Variants in KIAA0825 observed in about 807,000 individuals in gnomAD.
KIAA0825 encodes the protein uncharacterized protein KIAA0825.
KIAA0825 carries 119 observed loss-of-function variants against 147.6 expected under a neutral mutation model. The ratio of observed to expected loss-of-function variants is 0.81; its 90% CI spans 0.69 to 0.94. The LOEUF (loss-of-function observed/expected upper bound fraction) is 0.94. Among genes scored for constraint, KIAA0825 ranks in the 40% least tolerant of loss-of-function variants. KIAA0825 has a pLI of 0.00. For synonymous variants in KIAA0825, 470 were observed against 518.1 expected (o/e 0.91, Z 1.26); for missense variants, 1,381 against 1,472.7 (o/e 0.94, Z 1.02).
chr5:94,548,747 AC>A (rs1348429517), intron 2 of KIAA0825, among the ~76,000 whole-genome samples: 1 of 152,186 alleles, frequency 6.6e-6, no homozygotes, highest in African/African-American at 2.4e-5. Flanking sequence ...ATGGAAACAA[AC>A]AAACAAACAA....
chr5:94,199,070 A>G (rs775440571), intron 20 of KIAA0825, among the ~76,000 whole-genome samples: 1 of 152,136 alleles, frequency 6.6e-6, no homozygotes, highest in African/African-American at 2.4e-5. Flanking sequence ...CTGGTTAAGA[A>G]CCATTGGTGG....
Position 94,573,870 on chromosome 5 carries a change from TAG to T in KIAA0825, c.-2+8561_-2+8562del, listed in dbSNP as rs1780452315. The stretch of plus-strand genomic sequence containing the variant: ...AGTCAGATTGGAAAGTCATGATATA[TAG>T]AGTTAAATAAAACCCATCTGATAAG... On this transcript the variant is annotated intron_variant, in intron 2 of 20. Transcript: ENST00000682413. Among the ~76,000 whole-genome samples, 8 of 152,268 alleles carry T rather than the reference TAG, an allele frequency of 5.3e-5. No homozygotes were observed. In the South Asian group the frequency reaches 1.7e-3, roughly 32 times the overall value.
chr5:94,320,888 C>G (rs1780118760), intron 20 of KIAA0825, among the ~76,000 whole-genome samples: 1 of 152,028 alleles, frequency 6.6e-6, no homozygotes, highest in Non-Finnish European at 1.5e-5. Context: ...ATAATTTTCT[C>G]AACCAGCCTG....
chr5:94,505,740 G>A (rs1368576540), intron 5 of KIAA0825, among the ~76,000 whole-genome samples: 3 of 152,108 alleles, frequency 2.0e-5, no homozygotes, highest in Non-Finnish European at 4.4e-5. Context: ...GATACTACAT[G>A]TAAATAATAA....
chr5:94,185,382 G>A (rs1770028885), intron 20 of KIAA0825, among the ~76,000 whole-genome samples: 2 of 152,162 alleles, frequency 1.3e-5, no homozygotes, highest in South Asian at 4.1e-4. Context: ...AAAGAATATG[G>A]TGTATGGTTG....
At chr5:94,552,263 T>C (rs1775688702) in intron 2 of KIAA0825, among the ~76,000 whole-genome samples, 1 of 152,096 alleles carries the variant, frequency 6.6e-6, no homozygotes. Context: ...AGTAACTAGA[T>C]ATAAAAGGCA....
At chr5:94,155,413 C>T (rs917438143) in intron 20 of KIAA0825, among the ~76,000 whole-genome samples, 5 of 151,198 alleles carry the variant, frequency 3.3e-5, no homozygotes, top group Non-Finnish European at 7.4e-5. Context: ...GAGACAGGGT[C>T]TCCCCTATGT....
chr5:94,162,345 G>A (rs951213020), intron 20 of KIAA0825, among the ~76,000 whole-genome samples: 1 of 152,110 alleles, frequency 6.6e-6, no homozygotes, highest in Middle Eastern at 3.4e-3. Context: ...TGTTGCCCAG[G>A]CTGGAGTGCA....
chr5:94,467,419 T>G (rs560529105), intron 10 of KIAA0825, among the ~76,000 whole-genome samples: 7 of 152,342 alleles, frequency 4.6e-5, no homozygotes, highest in Admixed American at 4.6e-4. Context: ...GGCTTTATTA[T>G]AGAAGCCACT....
chr5:94,331,742 T>A (rs1477016051), intron 20 of KIAA0825, among the ~76,000 whole-genome samples: 1 of 152,074 alleles, frequency 6.6e-6, no homozygotes, highest in Non-Finnish European at 1.5e-5. Flanking sequence ...TATAACTCAT[T>A]ATATTAACAA....
At chr5:94,527,511 T>A (rs761092422) in intron 3 of KIAA0825, among the ~76,000 whole-genome samples, 4 of 151,964 alleles carry the variant, frequency 2.6e-5, no homozygotes, top group Admixed American at 1.3e-4. Flanking sequence ...ATACAAAAAA[T>A]TTTTATTTCT....
intron 20 of KIAA0825, among the ~76,000 whole-genome samples, chr5:94,195,944 C>G (rs1262186894): frequency 6.6e-6 from 1 of 152,136 alleles, no homozygotes; most frequent in African/African-American, 2.4e-5. Flanking sequence ...GTGCCCCTTA[C>G]CAATTCTGTG....
chr5:94,391,528 TC>T lies in KIAA0825; in HGVS notation c.3456+6del, dbSNP rs1329979114. On this transcript the variant is annotated splice_donor_region_variant and intron_variant, in intron 18 of 20. Coordinates refer to ENST00000682413, the MANE Select transcript of KIAA0825 (RefSeq NM_001145678.3). ...CTAATTGCTCGATAAAAAGGCCGTTTCCCTACCTCATTGAGCTGCATGATGT... is the reference window on the plus strand; with the variant it reads ...CTAATTGCTCGATAAAAAGGCCGTTTCCTACCTCATTGAGCTGCATGATGT... 1 of 1,549,500 alleles carries T rather than the reference TC, an allele frequency of 6.5e-7. No individual in the cohort carries two copies. Among genetic ancestry groups the T allele is most frequent in the East Asian group, 2.4e-5 (1 of 40,926 alleles).
At chr5:94,512,218 A>G (rs1766587074) in intron 5 of KIAA0825, among the ~76,000 whole-genome samples, 1 of 152,080 alleles carries the variant, frequency 6.6e-6, no homozygotes, top group African/African-American at 2.4e-5. Flanking sequence ...AATCTTGCTA[A>G]TGTTTATTTG....
intron 8 of KIAA0825, among the ~76,000 whole-genome samples, chr5:94,472,016 C>T (rs1761264085): frequency 6.6e-6 from 1 of 152,132 alleles, no homozygotes; most frequent in African/African-American, 2.4e-5. Flanking sequence ...ATACCTTTAT[C>T]TGTAGTTAGT....
rs79996980 is a variant in KIAA0825, at chr5:94,471,560, G to A, written c.1627C>T (p.Pro543Ser). ...AGGTATGTGTGCAAGTTTTTCAGGG[G>A]TGCTTTGGAAGGAACCTCCTTGGCT... Reference protein sequence around the residue: ...ERAKEVPSKAPLKNLHTYLST... With the variant: ...ERAKEVPSKASLKNLHTYLST... The change falls in exon 9 of 21, where the codon CCC (proline) becomes TCC (serine). Residue 543 changes from proline (P) to serine (S), a missense_variant. Transcript: ENST00000682413. The A allele has an allele frequency of 2.5e-3, 3,862 of 1,551,938 alleles. 8 individuals carry two copies. The highest frequency in any genetic ancestry group is 3.8e-3 in the Admixed American group (196 of 51,010).
chr5:94,455,821 G>A (rs1759028831), intron 12 of KIAA0825, among the ~76,000 whole-genome samples: 5 of 152,152 alleles, frequency 3.3e-5, no homozygotes. Flanking sequence ...GATGGGGCAA[G>A]ATCAGGGGCT....
At chr5:94,190,491 A>ATTTTTT (rs70975895) in intron 20 of KIAA0825, among the ~76,000 whole-genome samples, 6 of 106,298 alleles carry the variant, frequency 5.6e-5, no homozygotes, top group Admixed American at 1.0e-4. Context: ...ACGCCCAGCT[A>ATTTTTT]TTTTTTTTTT....
intron 18 of KIAA0825, among the ~76,000 whole-genome samples, chr5:94,387,698 TAAA>T (rs377558263): frequency 1.9e-5 from 2 of 107,376 alleles, no homozygotes; most frequent in African/African-American, 7.0e-5. Flanking sequence ...ATCTCAAAAA[TAAA>T]AAAAAAAAAA....
Sources: allele counts gnomAD v4.1 joint callset (sites outside exome capture counted in the v4.1 genomes callset), GRCh38; gene constraint gnomAD v4.1.1; transcripts MANE v1.5; gene names NCBI Gene and HGNC (gene_info 2026-07-23, HGNC 2026-07-21).